Variants in PLXNC1 observed in about 807,000 individuals in gnomAD.
The protein encoded by PLXNC1 is plexin C1.
PLXNC1 carries 75 observed loss-of-function variants against 178.2 expected under a neutral mutation model. The observed-to-expected ratio is 0.42, with a 90% CI of 0.35 to 0.51. PLXNC1 has a LOEUF of 0.51. PLXNC1 is among the 20% of genes least tolerant of loss of function. PLXNC1 has a pLI of 0.02. For missense variants in PLXNC1, 1,503 were observed against 1,984.4 expected, an observed-to-expected ratio of 0.76 and a Z score of 4.61; for synonymous variants, 790 against 779.9, an observed-to-expected ratio of 1.01 and a Z score of -0.22.
intron 28 of PLXNC1, among the ~76,000 whole-genome samples, chr12:94,301,939 G>A (rs139250566): frequency 6.6e-6 from 1 of 151,872 alleles, no homozygotes; most frequent in East Asian, 1.9e-4. Context: ...AATGTCTGTC[G>A]CTCCCTCCTC....
chr12:94,207,137 A>G (rs1482464147), intron 4 of PLXNC1, among the ~76,000 whole-genome samples: 2 of 152,218 alleles, frequency 1.3e-5, no homozygotes, highest in African/African-American at 2.4e-5. Context: ...CTGGTTATAC[A>G]TACTTGGTGT....
At chr12:94,199,186 C>T (rs12425752) in intron 4 of PLXNC1, among the ~76,000 whole-genome samples, 57,604 of 152,126 alleles carry the variant, frequency 0.38, 12,206 homozygotes, top group East Asian at 0.58. Flanking sequence ...GGCTATCCGC[C>T]TTCATGGGCT....
intron 4 of PLXNC1, among the ~76,000 whole-genome samples, chr12:94,193,108 G>A (rs1962783803): frequency 6.6e-6 from 1 of 152,162 alleles, no homozygotes; most frequent in Non-Finnish European, 1.5e-5. Flanking sequence ...TAGGGACCAG[G>A]CTGTACAAAG....
intron 20 of PLXNC1, among the ~76,000 whole-genome samples, chr12:94,261,520 TAG>T (rs1210481793): frequency 1.3e-5 from 2 of 152,236 alleles, no homozygotes; most frequent in Non-Finnish European, 2.9e-5. Flanking sequence ...TGAGAAAACA[TAG>T]GCAATTGCTT....
At chr12:94,285,267 A>G (rs1279399209) in intron 23 of PLXNC1, among the ~76,000 whole-genome samples, 1 of 152,342 alleles carries the variant, frequency 6.6e-6, no homozygotes, top group East Asian at 1.9e-4. Context: ...GGAAGGACCT[A>G]GGACTCTGCC....
intron 4 of PLXNC1, among the ~76,000 whole-genome samples, chr12:94,199,105 CG>C (rs1265067221): frequency 1.3e-5 from 2 of 152,148 alleles, no homozygotes; most frequent in East Asian, 3.8e-4. Flanking sequence ...TAAATTTAAA[CG>C]GGAGCCCTGG....
At chr12:94,190,494 G>A (rs1296417218) in intron 4 of PLXNC1, among the ~76,000 whole-genome samples, 1 of 152,090 alleles carries the variant, frequency 6.6e-6, no homozygotes, top group East Asian at 1.9e-4. Flanking sequence ...TCCTTCCTGG[G>A]CCTCCCAAAG....
At chr12:94,154,556 T>C (rs145274003) in intron 1 of PLXNC1, among the ~76,000 whole-genome samples, 1 of 152,338 alleles carries the variant, frequency 6.6e-6, no homozygotes, top group East Asian at 1.9e-4. Flanking sequence ...AATTACTACA[T>C]GCAATAATGT....
At chr12:94,164,732 T>C (rs1452205203) in intron 1 of PLXNC1, among the ~76,000 whole-genome samples, 2 of 149,528 alleles carry the variant, frequency 1.3e-5, no homozygotes, top group African/African-American at 5.0e-5. Flanking sequence ...CACACACACC[T>C]CAGGAGCTTT....
At chr12:94,154,400 A>G (rs1961081029) in intron 1 of PLXNC1, among the ~76,000 whole-genome samples, 1 of 152,232 alleles carries the variant, frequency 6.6e-6, no homozygotes, top group African/African-American at 2.4e-5. Context: ...TGATGATAGT[A>G]AAGACATCCA....
intron 2 of PLXNC1, among the ~76,000 whole-genome samples, chr12:94,178,499 C>A (rs1962185371): frequency 6.6e-6 from 1 of 152,194 alleles, no homozygotes; most frequent in Non-Finnish European, 1.5e-5. Context: ...TTTCCCTATA[C>A]AACTGCTTTC....
chr12:94,242,192 T>G (rs1316719440), intron 11 of PLXNC1, among the ~76,000 whole-genome samples: 1 of 152,080 alleles, frequency 6.6e-6, no homozygotes, highest in African/African-American at 2.4e-5. Context: ...AATCATGGTG[T>G]TGGTAAGATT....
chr12:94,182,358 C>A (rs1962338553), intron 3 of PLXNC1, among the ~76,000 whole-genome samples: 1 of 137,806 alleles, frequency 7.3e-6, no homozygotes, highest in African/African-American at 2.7e-5. Flanking sequence ...TTTAAGGCTG[C>A]AGTGAGCCAT....
chr12:94,173,802 C>G (rs567132603), intron 2 of PLXNC1, among the ~76,000 whole-genome samples: 1 of 152,122 alleles, frequency 6.6e-6, no homozygotes, highest in East Asian at 1.9e-4. Flanking sequence ...AAGAAGGGGC[C>G]GAGAACCCTG....
intron 4 of PLXNC1, among the ~76,000 whole-genome samples, chr12:94,204,157 T>C (rs566111530): frequency 1.3e-5 from 2 of 152,300 alleles, no homozygotes; most frequent in East Asian, 3.9e-4. Flanking sequence ...CAAAACAGAC[T>C]AAGACAGATG....
chr12:94,305,241 G>A lies in PLXNC1; in HGVS notation c.4663G>A (p.Val1555Ile). 6.2e-7 allele frequency: 1 copy of A among 1,611,508 alleles called. No homozygotes were observed. The highest frequency in any genetic ancestry group is 2.2e-5 in the East Asian group (1 of 44,640). The change falls in exon 31 of 31, where the codon GTA (valine) becomes ATA (isoleucine). Residue 1555 changes from valine (V) to isoleucine (I), a missense_variant. By Grantham distance (29) the Val-to-Ile change is conservative. Around this residue, in one of 4 missense-constraint regions of PLXNC1, gnomAD observed 639 missense variants for 979.7 expected, o/e 0.65. Coordinates refer to ENST00000258526, the MANE Select transcript of PLXNC1 (RefSeq NM_005761.3). ...LEEAQKQLLH[V>I]KVLFDEKKKC... ...AGAAGCTCAGAAACAACTCTTGCATGTAAAAGTCTTATTTGATGAAAAGAA... is the reference window on the plus strand; with the variant it reads ...AGAAGCTCAGAAACAACTCTTGCATATAAAAGTCTTATTTGATGAAAAGAA...
At chr12:94,222,946 C>A (rs539775974) in intron 6 of PLXNC1, among the ~76,000 whole-genome samples, 1 of 152,134 alleles carries the variant, frequency 6.6e-6, no homozygotes, top group Non-Finnish European at 1.5e-5. Flanking sequence ...GTACGTGAAC[C>A]GAATTTTATG....
chr12:94,230,496 T>C (rs1475591082), intron 9 of PLXNC1, among the ~76,000 whole-genome samples: 1 of 152,230 alleles, frequency 6.6e-6, no homozygotes, highest in Non-Finnish European at 1.5e-5. Context: ...TGCTTCTCTG[T>C]GGATTACCCC....
At chr12:94,166,554 TTATTATTA>T in intron 1 of PLXNC1, among the ~76,000 whole-genome samples, 1 of 148,022 alleles carries the variant, frequency 6.8e-6, no homozygotes, top group Admixed American at 6.7e-5. Flanking sequence ...ATTATTATTA[TTATTATTA>T]TTATTACTAT....
Sources: allele counts gnomAD v4.1 joint callset (sites outside exome capture counted in the v4.1 genomes callset), GRCh38; gene constraint gnomAD v4.1.1; regional missense constraint gnomAD v4.1.1; transcripts MANE v1.5; gene names NCBI Gene and HGNC (gene_info 2026-07-23, HGNC 2026-07-21).